Variants in IL1RAPL1 observed in about 807,000 individuals in gnomAD.
The protein encoded by IL1RAPL1 is interleukin-1 receptor accessory protein-like 1.
A neutral mutation model predicts 48.4 loss-of-function variants in IL1RAPL1; 3 were observed. The ratio of observed to expected loss-of-function variants is 0.06; its 90% CI spans 0.03 to 0.16. The LOEUF is 0.16. Among genes scored for constraint, IL1RAPL1 ranks in the 10% least tolerant of loss-of-function variants. IL1RAPL1 has a pLI of 1.00. For missense variants in IL1RAPL1, 349 were observed against 530.6 expected (o/e 0.66, Z 3.36); for synonymous variants, 185 against 187.7 (o/e 0.99, Z 0.12).
Position 28,789,478 on chromosome X carries a change from G to A in IL1RAPL1, c.82+53G>A, listed in dbSNP as rs886790243. The A allele has an allele frequency of 3.5e-6, 3 of 867,444 alleles. No individual in the cohort carries two copies. In the African/African-American group the frequency reaches 6.0e-5, roughly 17 times the overall value. 71.5% of individuals were successfully genotyped at this position (867,444 alleles called of 1,213,427 possible). ...TGTTTTTATAGCTTAAAGTGATAGT[G>A]CTACATCTACACATGTGCCATTAGT... On this transcript the variant is annotated intron_variant, in intron 2 of 10. Transcript: ENST00000378993.
intron 1 of IL1RAPL1, among the ~76,000 whole-genome samples, chrX:28,588,575 G>A (rs1933874848): frequency 8.9e-6 from 1 of 112,309 alleles, no homozygotes; most frequent in Non-Finnish European, 1.9e-5. Flanking sequence ...CACTTGTCAA[G>A]TTCTTAAACT....
chrX:29,512,886 A>G (rs1935407953), intron 5 of IL1RAPL1, among the ~76,000 whole-genome samples: 1 of 111,979 alleles, frequency 8.9e-6, no homozygotes, highest in Non-Finnish European at 1.9e-5. Context: ...ATGATCTCTG[A>G]ATGGTTTTCA....
intron 6 of IL1RAPL1, among the ~76,000 whole-genome samples, chrX:29,737,995 G>A (rs1928093104): frequency 8.9e-6 from 1 of 112,281 alleles, no homozygotes; most frequent in Non-Finnish European, 1.9e-5. Flanking sequence ...CCTTCAGAAT[G>A]TTATCTTTAA....
intron 5 of IL1RAPL1, among the ~76,000 whole-genome samples, chrX:29,588,527 G>C (rs760680026): frequency 6.1e-4 from 68 of 112,360 alleles, no homozygotes; most frequent in Non-Finnish European, 7.5e-4. Context: ...GTCATCATCA[G>C]TGGTATGTGG....
intron 2 of IL1RAPL1, among the ~76,000 whole-genome samples, chrX:29,180,919 A>G (rs1053368438): frequency 8.9e-6 from 1 of 111,975 alleles, no homozygotes; most frequent in African/African-American, 3.2e-5. Flanking sequence ...GTATATATCA[A>G]ATTGTTTCTG....
chrX:29,385,930 G>A (rs912096985), intron 3 of IL1RAPL1, among the ~76,000 whole-genome samples: 2 of 112,097 alleles, frequency 1.8e-5, no homozygotes, highest in Non-Finnish European at 3.8e-5. Context: ...TACAGTGACT[G>A]CACCAATTTA....
chrX:29,691,669 G>T (rs1303773835), intron 6 of IL1RAPL1, among the ~76,000 whole-genome samples: 1 of 102,803 alleles, frequency 9.7e-6, no homozygotes, highest in Non-Finnish European at 1.9e-5. Flanking sequence ...TTTTATATTT[G>T]TCTTAAAAGC....
intron 1 of IL1RAPL1, among the ~76,000 whole-genome samples, chrX:28,638,587 G>T (rs952634448): frequency 1.8e-5 from 2 of 109,437 alleles, no homozygotes; most frequent in African/African-American, 6.7e-5. Flanking sequence ...TTAATGATGT[G>T]TTTGCCTTCT....
chrX:29,441,596 G>C lies in IL1RAPL1; in HGVS notation c.703+42288G>C, dbSNP rs757011434. 9.9e-5 allele frequency among the ~76,000 whole-genome samples: 11 copies of C among 111,511 alleles called. No homozygotes were observed. In the South Asian group the frequency reaches 3.3e-3, roughly 34 times the overall value. On this transcript the variant is annotated intron_variant, in intron 5 of 10. Transcript: ENST00000378993. The stretch of plus-strand genomic sequence containing the variant: ...GGGAAGAATAGCTCTTTCCTATACT[G>C]CACACTTCTTTTCCTGTTGCGGTGG...
At chrX:29,183,728 A>T (rs1411667533) in intron 2 of IL1RAPL1, among the ~76,000 whole-genome samples, 3 of 111,920 alleles carry the variant, frequency 2.7e-5, no homozygotes, top group Non-Finnish European at 3.8e-5. Flanking sequence ...AATTTTGCTC[A>T]TGTTGCCCAG....
Position 29,552,346 on chromosome X carries a change from C to T in IL1RAPL1, c.704-116084C>T, listed in dbSNP as rs900712742. Among the ~76,000 whole-genome samples the T allele has an allele frequency of 4.5e-5, 5 of 110,780 alleles. No individual in the cohort carries two copies. The South Asian group carries it at 1.5e-3, about 34-fold the overall frequency. On this transcript the variant is annotated intron_variant, in intron 5 of 10. Coordinates refer to ENST00000378993, the MANE Select transcript of IL1RAPL1 (RefSeq NM_014271.4). ...TTCACAGGTGAAGGGTCAATATTACCCTTGGCCCCTACAGTTTTAACTTAT... is the reference window on the plus strand; with the variant it reads ...TTCACAGGTGAAGGGTCAATATTACTCTTGGCCCCTACAGTTTTAACTTAT...
chrX:28,915,108 T>C (rs746316224), intron 2 of IL1RAPL1, among the ~76,000 whole-genome samples: 39 of 111,597 alleles, frequency 3.5e-4, no homozygotes, highest in Non-Finnish European at 5.6e-4. Context: ...ATAAGGAGCA[T>C]GCAGCCTAGA....
chrX:29,489,297 A>G (rs1051288836), intron 5 of IL1RAPL1, among the ~76,000 whole-genome samples: 1 of 72,449 alleles, frequency 1.4e-5, no homozygotes. Flanking sequence ...TACACTGTAC[A>G]TTATACAATT....
chrX:28,775,981 T>C (rs750378529), intron 1 of IL1RAPL1, among the ~76,000 whole-genome samples: 1 of 112,185 alleles, frequency 8.9e-6, no homozygotes, highest in East Asian at 2.8e-4. Context: ...AACTGACATA[T>C]ATTTTTTATT....
At chrX:28,833,541 A>C (rs764630796) in intron 2 of IL1RAPL1, among the ~76,000 whole-genome samples, 1 of 111,760 alleles carries the variant, frequency 8.9e-6, no homozygotes, top group East Asian at 2.8e-4. Context: ...ATGGTATCTC[A>C]TTGTGGTTTT....
At chrX:29,209,681 T>C (rs1930733847) in intron 2 of IL1RAPL1, among the ~76,000 whole-genome samples, 2 of 112,376 alleles carry the variant, frequency 1.8e-5, no homozygotes, top group Non-Finnish European at 1.9e-5. Flanking sequence ...CTCTCACCAT[T>C]ACCAATAGCA....
At chrX:29,848,027 TATCAGTAG>T (rs1447841124) in intron 6 of IL1RAPL1, among the ~76,000 whole-genome samples, 1 of 111,383 alleles carries the variant, frequency 9.0e-6, no homozygotes, top group Non-Finnish European at 1.9e-5. Flanking sequence ...TTGAGAATTG[TATCAGTAG>T]ATACAATTCT....
intron 3 of IL1RAPL1, among the ~76,000 whole-genome samples, chrX:29,330,595 C>T (rs900209745): frequency 9.0e-6 from 1 of 111,355 alleles, no homozygotes; most frequent in Non-Finnish European, 1.9e-5. Flanking sequence ...TGTCTCTCCC[C>T]TCCCAGCCCT....
intron 5 of IL1RAPL1, among the ~76,000 whole-genome samples, chrX:29,437,450 A>T (rs1263165999): frequency 9.0e-6 from 1 of 110,700 alleles, no homozygotes; most frequent in Non-Finnish European, 1.9e-5. Flanking sequence ...TATGTTGAAT[A>T]AGAGTAGTGA....
Sources: gnomAD v4.1 joint callset for allele counts (sites outside exome capture counted in the v4.1 genomes callset) on GRCh38, gnomAD v4.1.1 for gene constraint, MANE v1.5 for transcripts, NCBI Gene and HGNC (gene_info 2026-07-23, HGNC 2026-07-21) for gene names.